The following PDZD2 variants were observed in gnomAD, a reference collection of about 807,000 sequenced individuals.
The protein encoded by PDZD2 is PDZ domain containing 2.
Under a neutral mutation model 220.7 loss-of-function variants are expected in PDZD2, and 90 were observed. That is an observed-to-expected ratio of 0.41 (90% CI 0.34 to 0.49). The LOEUF (loss-of-function observed/expected upper bound fraction) is 0.49, where lower values mean the gene tolerates loss of function less well. PDZD2 is among the 20% of genes least tolerant of loss of function. The pLI is 0.28. For missense variants in PDZD2, 3,174 were observed against 3,608.5 expected (o/e 0.88, Z 3.08); for synonymous variants, 1,375 against 1,450.5 (o/e 0.95, Z 1.18).
chr5:31,951,638 C>T (rs1033251092), intron 2 of PDZD2, among the ~76,000 whole-genome samples: 1 of 152,150 alleles, frequency 6.6e-6, no homozygotes, highest in Non-Finnish European at 1.5e-5. Flanking sequence ...GAATAGTATT[C>T]CTTTGTATAC....
intron 2 of PDZD2, among the ~76,000 whole-genome samples, chr5:31,955,680 G>GT (rs1747603488): frequency 8.3e-6 from 1 of 120,416 alleles, no homozygotes; most frequent in African/African-American, 3.0e-5. Flanking sequence ...TTTGGGCTCT[G>GT]TTCTTTTTTT....
intron 13 of PDZD2, among the ~76,000 whole-genome samples, chr5:32,059,566 T>C (rs1739483910): frequency 6.6e-6 from 1 of 152,242 alleles, no homozygotes; most frequent in Admixed American, 6.5e-5. Flanking sequence ...CTCTAGATCT[T>C]GGCTTCCCTG....
At chr5:32,076,822 A>C (rs192142979) in intron 18 of PDZD2, among the ~76,000 whole-genome samples, 55 of 152,366 alleles carry the variant, frequency 3.6e-4, no homozygotes, top group African/African-American at 1.3e-3. Flanking sequence ...CTCAGCTGGT[A>C]ACTGACATTT....
At chr5:31,735,416 G>A (rs1287188360) in intron 1 of PDZD2, among the ~76,000 whole-genome samples, 1 of 152,206 alleles carries the variant, frequency 6.6e-6, no homozygotes. Context: ...ATGAGAGTAT[G>A]TAGCTTGATG....
At chr5:31,694,861 C>T (rs536235857) in intron 1 of PDZD2, among the ~76,000 whole-genome samples, 9 of 151,322 alleles carry the variant, frequency 5.9e-5, no homozygotes, top group Admixed American at 1.3e-4. Flanking sequence ...CAGTGGCTCA[C>T]GCCTGTAATC....
At chr5:32,060,366 C>G (rs1196508366) in intron 13 of PDZD2, among the ~76,000 whole-genome samples, 1 of 152,198 alleles carries the variant, frequency 6.6e-6, no homozygotes, top group Non-Finnish European at 1.5e-5. Context: ...CTACTGACTT[C>G]TCTCCCTGTA....
intron 6 of PDZD2, among the ~76,000 whole-genome samples, chr5:32,014,032 T>A (rs1460227066): frequency 6.6e-6 from 1 of 152,220 alleles, no homozygotes; most frequent in Non-Finnish European, 1.5e-5. Flanking sequence ...CTTATAAAGG[T>A]GCTGAACTAC....
chr5:31,858,143 A>G (rs187596849), intron 2 of PDZD2, among the ~76,000 whole-genome samples: 1 of 152,038 alleles, frequency 6.6e-6, no homozygotes, highest in Admixed American at 6.6e-5. Context: ...GTGTGTTTTT[A>G]GTAGAGGCGG....
intron 1 of PDZD2, among the ~76,000 whole-genome samples, chr5:31,674,979 T>A (rs1227680613): frequency 2.0e-5 from 3 of 152,176 alleles, no homozygotes; most frequent in Non-Finnish European, 2.9e-5. Context: ...AGATCCCTGT[T>A]CTGTGCTAAC....
chr5:32,088,394 C>G lies in PDZD2; in HGVS notation c.4946C>G (p.Ala1649Gly). Reference protein sequence around the residue: ...RESVASPREKAACLPGSYTSG... With the variant: ...RESVASPREKGACLPGSYTSG... ...TCGGTGGCCAGTCCCCGTGAGAAGG[C>G]CGCCTGCTTGCCAGGCTCATACACT... Residue 1649 changes from alanine (A) to glycine (G), a missense_variant, in exon 20 of 25, where the codon GCC (alanine) becomes GGC (glycine). Transcript: ENST00000438447. The surrounding 1 kb of genome is among the most constrained non-coding windows in gnomAD (Gnocchi z 4.6). 4 of 1,614,010 alleles carry G rather than the reference C, an allele frequency of 2.5e-6. No homozygotes were observed. The highest frequency in any genetic ancestry group is 3.4e-6 in the Non-Finnish European group (4 of 1,179,972).
intron 2 of PDZD2, among the ~76,000 whole-genome samples, chr5:31,936,890 C>T (rs752259166): frequency 6.6e-6 from 1 of 152,208 alleles, no homozygotes; most frequent in Non-Finnish European, 1.5e-5. Context: ...GCTGCCTCTG[C>T]TCGGCTTCTA....
intron 1 of PDZD2, among the ~76,000 whole-genome samples, chr5:31,790,463 C>A (rs1007049003): frequency 2.0e-5 from 3 of 152,122 alleles, no homozygotes; most frequent in Admixed American, 6.6e-5. Context: ...GGAAGGACAC[C>A]TTTTCTGGGG....
In PDZD2 at chr5:32,024,703, A is replaced by AAAAAAAAGAAAG. The variant is rs1561378496; in HGVS notation, c.1408-12525_1408-12524insAAAAGAAAGAAA. Among the ~76,000 whole-genome samples the AAAAAAAAGAAAG allele has an allele frequency of 1.7e-4, 24 of 140,260 alleles. 2 individuals are homozygous for AAAAAAAAGAAAG. The highest frequency in any genetic ancestry group is 2.0e-4 in the East Asian group (1 of 4,908). 92.0% of individuals were successfully genotyped at this position (140,260 alleles called of 152,430 possible). On this transcript the variant is annotated intron_variant, in intron 6 of 24. Transcript: ENST00000438447. The stretch of plus-strand genomic sequence containing the variant: ...ATCTCAAAAAAAAAAAGAAAGAAAA[A>AAAAAAAAGAAAG]AAAGAAAAGGAAAGAAAGAAACGTG...
intron 2 of PDZD2, among the ~76,000 whole-genome samples, chr5:31,969,530 A>AAAAAAAAAAAAAAAAAAAAAAAAG (rs1749093552): frequency 7.0e-6 from 1 of 142,532 alleles, no homozygotes. Flanking sequence ...AAAAAAAAAA[A>AAAAAAAAAAAAAAAAAAAAAAAAG]AAAAACAATG....
At chr5:31,720,180 G>T (rs1369876994) in intron 1 of PDZD2, among the ~76,000 whole-genome samples, 1 of 152,186 alleles carries the variant, frequency 6.6e-6, no homozygotes, top group Non-Finnish European at 1.5e-5. Context: ...CTTCTAATTG[G>T]CAGAGCCCAG....
chr5:32,103,494 A>G (rs1179364134), intron 24 of PDZD2: 1 of 152,242 alleles, frequency 6.6e-6, no homozygotes, highest in African/African-American at 2.4e-5. Context: ...CCAAGAGAAA[A>G]TTCTAGTTTG....
chr5:31,942,871 C>T (rs1008009596), intron 2 of PDZD2, among the ~76,000 whole-genome samples: 4 of 152,186 alleles, frequency 2.6e-5, no homozygotes, highest in African/African-American at 9.7e-5. Flanking sequence ...AAATAGCCTA[C>T]AGAACAGTCT....
At chr5:31,907,011 C>T (rs1238652294) in intron 2 of PDZD2, among the ~76,000 whole-genome samples, 3 of 152,138 alleles carry the variant, frequency 2.0e-5, no homozygotes, top group African/African-American at 7.2e-5. Context: ...GCTTGGTTAG[C>T]CCAAGCTGAT....
At chr5:31,731,924 G>A (rs895077777) in intron 1 of PDZD2, among the ~76,000 whole-genome samples, 6 of 152,350 alleles carry the variant, frequency 3.9e-5, no homozygotes, top group East Asian at 1.9e-4. Flanking sequence ...AGGGCTCAGC[G>A]TTGGTTTCAG....
Sources: gnomAD v4.1 joint callset for allele counts (sites outside exome capture counted in the v4.1 genomes callset) on GRCh38, gnomAD v4.1.1 for gene constraint, Gnocchi (gnomAD v3.1) non-coding constraint, MANE v1.5 for transcripts, NCBI Gene and HGNC (gene_info 2026-07-23, HGNC 2026-07-21) for gene names.